The following LNX1 variants were observed in gnomAD, a reference collection of about 807,000 sequenced individuals.
LNX1 encodes the protein ligand of numb-protein X 1, also known as E3 ubiquitin-protein ligase LNX.
LNX1 carries 54 observed loss-of-function variants against 68.4 expected under a neutral mutation model. The observed-to-expected ratio is 0.79, with a 90% CI of 0.63 to 0.99. LNX1 has a LOEUF of 0.99. Among genes scored for constraint, LNX1 ranks in the 50% least tolerant of loss-of-function variants. LNX1 has a pLI of 0.00. For missense variants in LNX1, 906 were observed against 926.4 expected, an observed-to-expected ratio of 0.98 and a Z score of 0.29; for synonymous variants, 336 against 350.0, an observed-to-expected ratio of 0.96 and a Z score of 0.45.
intron 2 of LNX1, among the ~76,000 whole-genome samples, chr4:53,533,809 C>G (rs1728184516): frequency 6.6e-6 from 1 of 152,194 alleles, no homozygotes; most frequent in African/African-American, 2.4e-5. Context: ...CCCCCACAAC[C>G]AAGAATTATC....
At position 53,498,833 on chromosome 4, in the gene LNX1, C is replaced by A. The variant is rs1725264596; in HGVS notation, c.786G>T (p.Arg262Ser). 1 of 1,613,172 alleles carries A rather than the reference C, an allele frequency of 6.2e-7. No homozygotes were observed. The highest frequency in any genetic ancestry group is 8.5e-7 in the Non-Finnish European group (1 of 1,179,492). Residue 262 changes from arginine to serine, a missense_variant, in exon 5 of 11, where the codon AGG becomes AGT. Coordinates refer to ENST00000263925, the MANE Select transcript of LNX1 (RefSeq NM_001126328.3). ...ENTTAPEVFP[R>S]LYHLIPDGEI... ...CACCATCTGGAATCAGGTGGTACAA[C>A]CTTGGAAAGACTGAAATGGACAAAG...
intron 2 of LNX1, chr4:53,557,787 GAT>G (rs1730019364): frequency 2.8e-6 from 4 of 1,431,402 alleles, no homozygotes; most frequent in Non-Finnish European, 3.9e-6. Context: ...ATTTAAAATG[GAT>G]ATATCAGCTA....
At chr4:53,562,293 G>C (rs966447484) in intron 2 of LNX1, among the ~76,000 whole-genome samples, 4 of 152,192 alleles carry the variant, frequency 2.6e-5, no homozygotes, top group Admixed American at 2.6e-4. Flanking sequence ...CTCCAGTTAG[G>C]AAGGCTGCCA....
chr4:53,586,197 A>G lies in LNX1; in HGVS notation c.-87+5191T>C, dbSNP rs147391724. On this transcript the variant is annotated intron_variant, in intron 1 of 10. Coordinates refer to ENST00000263925, the MANE Select transcript of LNX1 (RefSeq NM_001126328.3). ...GTGTGTATGTTGTGGAAGATGTAAT[A>G]TAAGTCAGACAATCATATTTAATGA... Among the ~76,000 whole-genome samples the G allele has an allele frequency of 2.6e-4, 40 of 152,270 alleles. No individual in the cohort carries two copies. The East Asian group carries it at 5.0e-3, about 19-fold the overall frequency.
intron 7 of LNX1, among the ~76,000 whole-genome samples, chr4:53,481,211 C>T (rs372377333): frequency 2.6e-5 from 4 of 152,194 alleles, no homozygotes; most frequent in African/African-American, 9.7e-5. Context: ...ATAACATGTG[C>T]TCTCTGGTTT....
intron 9 of LNX1, among the ~76,000 whole-genome samples, chr4:53,468,497 C>A (rs10026005): frequency 0.81 from 123,539 of 152,044 alleles, 50,317 homozygotes; most frequent in Non-Finnish European, 0.85. Context: ...TAACAATATT[C>A]ACCTTAAATG....
chr4:53,462,955 A>G (rs1468864540), intron 9 of LNX1, among the ~76,000 whole-genome samples: 1 of 152,174 alleles, frequency 6.6e-6, no homozygotes, highest in Non-Finnish European at 1.5e-5. Flanking sequence ...CAAAGCAGGT[A>G]ACTGGCTATT....
chr4:53,526,803 C>T (rs1028650437), intron 2 of LNX1, among the ~76,000 whole-genome samples: 55 of 152,010 alleles, frequency 3.6e-4, no homozygotes, highest in Middle Eastern at 3.4e-3. Context: ...TGAATTCCTT[C>T]GACCTCTTCT....
chr4:53,576,614 C>T (rs1577744092), intron 1 of LNX1, among the ~76,000 whole-genome samples: 1 of 151,190 alleles, frequency 6.6e-6, no homozygotes, highest in Non-Finnish European at 1.5e-5. Flanking sequence ...GGAGGGGAAA[C>T]ATTATAAAAT....
In LNX1 at chr4:53,461,540, AGACTTCCAGCTGTG is replaced by A; in HGVS notation, c.1932_1945del (p.Thr645GlyfsTer9). The stretch of plus-strand genomic sequence containing the variant: ...ATAACCTCCTACAATGCAGAAGCCC[AGACTTCCAGCTGTG>A]TTTCTTCGTAATACAATATCTTTAC... On this transcript the variant is annotated frameshift_variant, in exon 10 of 11. Transcript: ENST00000263925. LOFTEE classifies it high-confidence loss of function. 1 of 1,612,486 alleles carries A rather than the reference AGACTTCCAGCTGTG, an allele frequency of 6.2e-7. No individual in the cohort carries two copies. The highest frequency in any genetic ancestry group is 8.5e-7 in the Non-Finnish European group (1 of 1,178,892).
chr4:53,500,948 CAG>C (rs1725432220), intron 4 of LNX1, among the ~76,000 whole-genome samples: 1 of 152,180 alleles, frequency 6.6e-6, no homozygotes. Context: ...TCTTTTCCAA[CAG>C]ATTTACAAAA....
At chr4:53,589,811 C>G (rs1732395639) in intron 1 of LNX1, among the ~76,000 whole-genome samples, 1 of 152,236 alleles carries the variant, frequency 6.6e-6, no homozygotes, top group Non-Finnish European at 1.5e-5. Flanking sequence ...CAATCTGACT[C>G]TGAATTCCAG....
upstream of LNX1, among the ~76,000 whole-genome samples, chr4:53,618,065 A>T (rs1414951338): frequency 6.6e-6 from 1 of 152,196 alleles, no homozygotes; most frequent in African/African-American, 2.4e-5. Flanking sequence ...ATCAAAAGAT[A>T]CTGTGATTTT....
chr4:53,469,447 A>T (rs1722976466), intron 9 of LNX1, among the ~76,000 whole-genome samples: 1 of 152,218 alleles, frequency 6.6e-6, no homozygotes, highest in Non-Finnish European at 1.5e-5. Context: ...AAGCAAGAGC[A>T]AACACATTCA....
chr4:53,635,486 A>G (rs1290884597), intron 1 of LNX1, among the ~76,000 whole-genome samples: 1 of 152,192 alleles, frequency 6.6e-6, no homozygotes, highest in Non-Finnish European at 1.5e-5. Flanking sequence ...ATGAATATTT[A>G]TAATTAGAAT....
chr4:53,537,265 C>A (rs868727535), intron 2 of LNX1, among the ~76,000 whole-genome samples: 1 of 152,228 alleles, frequency 6.6e-6, no homozygotes, highest in African/African-American at 2.4e-5. Flanking sequence ...GAAGTAAAAG[C>A]ATTCCTGTAA....
chr4:53,480,972 G>A (rs1422884877), intron 7 of LNX1, among the ~76,000 whole-genome samples: 4 of 152,184 alleles, frequency 2.6e-5, no homozygotes, highest in African/African-American at 9.7e-5. Context: ...ACAACAGGAT[G>A]CCAAGCCAAA....
intron 2 of LNX1, among the ~76,000 whole-genome samples, chr4:53,564,920 C>T (rs189816156): frequency 0.012 from 1,807 of 152,268 alleles, 14 homozygotes; most frequent in Non-Finnish European, 0.019. Flanking sequence ...CACTCCCACC[C>T]GAATACTGCG....
chr4:53,582,788 T>G (rs1048047386), intron 1 of LNX1, among the ~76,000 whole-genome samples: 11 of 152,144 alleles, frequency 7.2e-5, no homozygotes, highest in African/African-American at 2.7e-4. Flanking sequence ...GTTGCTTAGT[T>G]TCAAACTGGT....
Sources: gnomAD v4.1 joint callset for allele counts (sites outside exome capture counted in the v4.1 genomes callset) on GRCh38, gnomAD v4.1.1 for gene constraint, MANE v1.5 for transcripts, NCBI Gene and HGNC (gene_info 2026-07-23, HGNC 2026-07-21) for gene names.